Variants in TMEM132C observed in about 807,000 individuals in gnomAD.
The protein encoded by TMEM132C is transmembrane protein 132C.
A neutral mutation model predicts 61.4 loss-of-function variants in TMEM132C; 29 were observed. The observed-to-expected ratio is 0.47, with a 90% CI of 0.35 to 0.64. The LOEUF (loss-of-function observed/expected upper bound fraction) is 0.64. Among genes scored for constraint, TMEM132C ranks in the 30% least tolerant of loss-of-function variants. The pLI is 0.00. For missense variants in TMEM132C, 1,408 were observed against 1,476.9 expected, an observed-to-expected ratio of 0.95 and a Z score of 0.76; for synonymous variants, 656 against 633.1, an observed-to-expected ratio of 1.04 and a Z score of -0.54.
At chr12:128,624,404 C>A (rs993808913) in intron 4 of TMEM132C, among the ~76,000 whole-genome samples, 1 of 151,848 alleles carries the variant, frequency 6.6e-6, no homozygotes, top group Non-Finnish European at 1.5e-5. Flanking sequence ...ATTAGCTGGA[C>A]GTGGTGGCGG....
At chr12:128,386,341 G>C (rs1002158155) in intron 1 of TMEM132C, among the ~76,000 whole-genome samples, 1 of 152,172 alleles carries the variant, frequency 6.6e-6, no homozygotes, top group African/African-American at 2.4e-5. Context: ...AAGGGCCAAC[G>C]CTTGCCTTTG....
At chr12:128,405,591 G>A (rs1875313023) in intron 1 of TMEM132C, among the ~76,000 whole-genome samples, 1 of 152,156 alleles carries the variant, frequency 6.6e-6, no homozygotes, top group Non-Finnish European at 1.5e-5. Context: ...ACAAAGAAAT[G>A]GCAAACTATG....
chr12:128,617,056 C>G (rs186335573), intron 4 of TMEM132C, among the ~76,000 whole-genome samples: 52 of 152,328 alleles, frequency 3.4e-4, no homozygotes, highest in East Asian at 1.5e-3. Context: ...GTTTAAAAGT[C>G]TAGAAAAGTG....
intron 1 of TMEM132C, among the ~76,000 whole-genome samples, chr12:128,308,894 G>T (rs1476599797): frequency 6.6e-6 from 1 of 152,128 alleles, no homozygotes; most frequent in South Asian, 2.1e-4. Flanking sequence ...TCTCTCCCTT[G>T]GTTTCCATAG....
chr12:128,582,655 C>G (rs1323798105), intron 3 of TMEM132C, among the ~76,000 whole-genome samples: 1 of 152,142 alleles, frequency 6.6e-6, no homozygotes, highest in Non-Finnish European at 1.5e-5. Context: ...TTGCATCTTC[C>G]TCATTTTCTC....
At chr12:128,507,384 CTTTT>C (rs573964437) in intron 2 of TMEM132C, among the ~76,000 whole-genome samples, 1 of 111,582 alleles carries the variant, frequency 9.0e-6, no homozygotes, top group Non-Finnish European at 1.9e-5. Flanking sequence ...GTGTTTTTTT[CTTTT>C]TTTTTTTTTC....
At chr12:128,457,045 C>A (rs1870370026) in intron 2 of TMEM132C, among the ~76,000 whole-genome samples, 1 of 152,166 alleles carries the variant, frequency 6.6e-6, no homozygotes, top group South Asian at 2.1e-4. Context: ...ATTTGCTTGT[C>A]ATTCATCTGG....
chr12:128,336,998 T>C (rs1392743735), intron 1 of TMEM132C, among the ~76,000 whole-genome samples: 2 of 152,200 alleles, frequency 1.3e-5, no homozygotes, highest in Non-Finnish European at 2.9e-5. Flanking sequence ...TCCTTCCAAG[T>C]TGGCATGACA....
intron 4 of TMEM132C, among the ~76,000 whole-genome samples, chr12:128,654,266 C>G (rs778285642): frequency 6.6e-6 from 1 of 152,128 alleles, no homozygotes; most frequent in Non-Finnish European, 1.5e-5. Context: ...GGAGAGCGTT[C>G]CACGGTGGCA....
chr12:128,641,821 G>C (rs1308825490), intron 4 of TMEM132C, among the ~76,000 whole-genome samples: 1 of 152,150 alleles, frequency 6.6e-6, no homozygotes, highest in Non-Finnish European at 1.5e-5. Flanking sequence ...TTGAGATGGA[G>C]TCTCACTCTG....
chr12:128,572,768 C>T (rs1350579018), intron 3 of TMEM132C, among the ~76,000 whole-genome samples: 4 of 152,068 alleles, frequency 2.6e-5, no homozygotes, highest in Non-Finnish European at 5.9e-5. Flanking sequence ...CCCACTGTGG[C>T]CTCTGCTGGC....
At chr12:128,651,960 G>A (rs1954275243) in intron 4 of TMEM132C, among the ~76,000 whole-genome samples, 1 of 152,198 alleles carries the variant, frequency 6.6e-6, no homozygotes, top group South Asian at 2.1e-4. Flanking sequence ...CAGCAGCCTG[G>A]TCTCATTGAA....
intron 3 of TMEM132C, among the ~76,000 whole-genome samples, chr12:128,596,418 T>A (rs978952783): frequency 6.8e-6 from 1 of 148,130 alleles, no homozygotes; most frequent in Non-Finnish European, 1.5e-5. Context: ...TCCATCACAG[T>A]GGGCTGCCCC....
intron 1 of TMEM132C, among the ~76,000 whole-genome samples, chr12:128,325,584 G>T (rs984900844): frequency 6.6e-6 from 1 of 152,128 alleles, no homozygotes; most frequent in Non-Finnish European, 1.5e-5. Flanking sequence ...TACTTAAAAT[G>T]TGCAGTTTAT....
chr12:128,591,072 T>G (rs1344853359), intron 3 of TMEM132C, among the ~76,000 whole-genome samples: 2 of 152,348 alleles, frequency 1.3e-5, no homozygotes, highest in Non-Finnish European at 2.9e-5. Context: ...CATGAGCCAC[T>G]GCAGCCACGC....
intron 3 of TMEM132C, among the ~76,000 whole-genome samples, chr12:128,614,018 GC>G (rs542699460): frequency 1.9e-3 from 291 of 152,306 alleles, no homozygotes; most frequent in Non-Finnish European, 3.4e-3. Flanking sequence ...CCACCACTTA[GC>G]GCCATCCTTA....
intron 4 of TMEM132C, among the ~76,000 whole-genome samples, chr12:128,644,997 G>A (rs1335170263): frequency 6.6e-6 from 1 of 152,164 alleles, no homozygotes; most frequent in Non-Finnish European, 1.5e-5. Context: ...GTTTGGGGGC[G>A]AACAGCGTTG....
intron 2 of TMEM132C, among the ~76,000 whole-genome samples, chr12:128,461,482 T>C (rs1593061894): frequency 6.8e-6 from 1 of 146,342 alleles, no homozygotes; most frequent in Non-Finnish European, 1.5e-5. Flanking sequence ...AGAAAGGGAC[T>C]TGGCCTGAAG....
chr12:128,646,323 G>C (rs1268496156), intron 4 of TMEM132C, among the ~76,000 whole-genome samples: 1 of 152,170 alleles, frequency 6.6e-6, no homozygotes, highest in Non-Finnish European at 1.5e-5. Context: ...GGATGTGAGT[G>C]TGTTCACTAG....
Sources: gnomAD v4.1 joint callset for allele counts (sites outside exome capture counted in the v4.1 genomes callset) on GRCh38, gnomAD v4.1.1 for gene constraint, MANE v1.5 for transcripts, NCBI Gene and HGNC (gene_info 2026-07-23, HGNC 2026-07-21) for gene names.